BNC2: variants seen among roughly 807,000 people sequenced by gnomAD.
BNC2 encodes basonuclin zinc finger protein 2.
A neutral mutation model predicts 76.3 loss-of-function variants in BNC2; 20 were observed. The ratio of observed to expected loss-of-function variants is 0.26; its 90% CI spans 0.18 to 0.38. The LOEUF (loss-of-function observed/expected upper bound fraction) is 0.38. BNC2 is among the 10% of genes least tolerant of loss of function. BNC2 has a pLI of 1.00. For missense variants in BNC2, 1,382 were observed against 1,399.8 expected, an observed-to-expected ratio of 0.99 and a Z score of 0.20; for synonymous variants, 582 against 514.8, an observed-to-expected ratio of 1.13 and a Z score of -1.77.
intron 1 of BNC2, among the ~76,000 whole-genome samples, chr9:16,769,811 G>A (rs1023716106): frequency 2.0e-5 from 3 of 152,182 alleles, no homozygotes; most frequent in African/African-American, 7.2e-5. Context: ...CAAGATTCAT[G>A]TGGGTGGAGC....
At chr9:16,800,451 A>T in intron 1 of BNC2, among the ~76,000 whole-genome samples, 1 of 152,168 alleles carries the variant, frequency 6.6e-6, no homozygotes. Context: ...CTGTCTAATA[A>T]AGTTGAGGGG....
intron 3 of BNC2, among the ~76,000 whole-genome samples, chr9:16,672,528 G>A (rs1319096521): frequency 6.6e-6 from 1 of 152,070 alleles, no homozygotes; most frequent in Non-Finnish European, 1.5e-5. Context: ...ATCAACTATA[G>A]ACCAATCCAG....
intron 5 of BNC2, among the ~76,000 whole-genome samples, chr9:16,480,952 G>A (rs920468851): frequency 6.6e-6 from 1 of 152,220 alleles, no homozygotes; most frequent in Non-Finnish European, 1.5e-5. Context: ...GATCCACTGG[G>A]TGAAGCCAGC....
At chr9:16,631,171 C>T (rs1402044583) in intron 3 of BNC2, among the ~76,000 whole-genome samples, 2 of 152,196 alleles carry the variant, frequency 1.3e-5, no homozygotes, top group Non-Finnish European at 2.9e-5. Flanking sequence ...CCCCGATACC[C>T]AGTTTCCCAA....
At chr9:16,523,528 C>T (rs1452149666) in intron 5 of BNC2, among the ~76,000 whole-genome samples, 1 of 151,304 alleles carries the variant, frequency 6.6e-6, no homozygotes, top group Admixed American at 6.6e-5. Context: ...CCTAACGCTG[C>T]CTTGAAAAAC....
chr9:16,697,540 A>G (rs1213738202), intron 3 of BNC2, among the ~76,000 whole-genome samples: 1 of 151,962 alleles, frequency 6.6e-6, no homozygotes, highest in Non-Finnish European at 1.5e-5. Context: ...TGGCCAACAT[A>G]GCAAAACCCC....
At chr9:16,598,411 A>G (rs1319318250) in intron 3 of BNC2, among the ~76,000 whole-genome samples, 1 of 152,232 alleles carries the variant, frequency 6.6e-6, no homozygotes, top group South Asian at 2.1e-4. Context: ...TATAAAATTC[A>G]CATGAAATAT....
In BNC2 at chr9:16,667,127, C is replaced by CACACACT. The variant is rs1563889050; in HGVS notation, c.330+60669_330+60670insAGTGTGT. ...CACACACGCACACACGCACACACGC[C>CACACACT]GATGTTATAAAAGTACTGTCACTAG... On this transcript the variant is annotated intron_variant, in intron 3 of 6. Transcript: ENST00000380672. Among the ~76,000 whole-genome samples the CACACACT allele has an allele frequency of 1.3e-4, 20 of 151,248 alleles. 1 individual carries two copies. Among genetic ancestry groups the CACACACT allele is most frequent in the African/African-American group, 4.6e-4 (19 of 41,246 alleles).
chr9:16,700,343 T>C (rs927306918), intron 3 of BNC2, among the ~76,000 whole-genome samples: 2 of 151,990 alleles, frequency 1.3e-5, no homozygotes, highest in Admixed American at 1.3e-4. Context: ...GAGGTCTTGA[T>C]AGCAAGACCC....
In BNC2 at chr9:16,639,318, T is replaced by C. The variant is rs182844042; in HGVS notation, c.331-56233A>G. Reference sequence around the variant, plus strand: ...AAAAAATCTGGTCATTTTATTCTAATATTAAATTTTAGCATTTGCTTACTA... The same window carrying C: ...AAAAAATCTGGTCATTTTATTCTAACATTAAATTTTAGCATTTGCTTACTA... On this transcript the variant is annotated intron_variant, in intron 3 of 6. Transcript: ENST00000380672. 2.8e-4 allele frequency among the ~76,000 whole-genome samples: 42 copies of C among 152,332 alleles called. No individual in the cohort carries two copies. The East Asian group carries it at 7.9e-3, about 29-fold the overall frequency.
intron 1 of BNC2, among the ~76,000 whole-genome samples, chr9:16,743,046 T>C (rs1824895357): frequency 6.6e-6 from 1 of 152,200 alleles, no homozygotes; most frequent in Admixed American, 6.5e-5. Flanking sequence ...AGTTATTAAA[T>C]TACCAAGAAC....
chr9:16,776,674 A>G (rs535136508), intron 1 of BNC2, among the ~76,000 whole-genome samples: 25 of 152,378 alleles, frequency 1.6e-4, no homozygotes, highest in African/African-American at 5.8e-4. Context: ...TGTGAAAGAA[A>G]GCAAGCACTC....
chr9:16,796,660 AG>A (rs1428144624), intron 1 of BNC2, among the ~76,000 whole-genome samples: 1 of 151,184 alleles, frequency 6.6e-6, no homozygotes, highest in East Asian at 2.0e-4. Context: ...AGAAAAAAAA[AG>A]AAAGAAAAGA....
chr9:16,711,106 T>TC (rs555410363), intron 3 of BNC2, among the ~76,000 whole-genome samples: 1 of 151,470 alleles, frequency 6.6e-6, no homozygotes, highest in Non-Finnish European at 1.5e-5. Flanking sequence ...CCTCCTCCCC[T>TC]CCCCCCAGTC....
chr9:16,498,141 T>C (rs891577679), intron 5 of BNC2, among the ~76,000 whole-genome samples: 12 of 119,648 alleles, frequency 1.0e-4, no homozygotes, highest in Admixed American at 6.4e-4. Flanking sequence ...ATATATATTC[T>C]ATCATATATA....
chr9:16,752,871 T>G (rs1256311661), intron 1 of BNC2, among the ~76,000 whole-genome samples: 1 of 152,200 alleles, frequency 6.6e-6, no homozygotes, highest in Non-Finnish European at 1.5e-5. Context: ...AGAGAAAATC[T>G]GACACTTAGG....
At chr9:16,566,409 T>G (rs1311147376) in intron 4 of BNC2, among the ~76,000 whole-genome samples, 4 of 152,208 alleles carry the variant, frequency 2.6e-5, no homozygotes, top group African/African-American at 4.8e-5. Context: ...CTTCTTTTGT[T>G]CTAGACAGCA....
At chr9:16,869,585 A>G (rs1819625830) in intron 1 of BNC2, among the ~76,000 whole-genome samples, 1 of 152,216 alleles carries the variant, frequency 6.6e-6, no homozygotes, top group Admixed American at 6.5e-5. Context: ...TATATACGGA[A>G]TACACCATGT....
intron 1 of BNC2, among the ~76,000 whole-genome samples, chr9:16,780,745 C>T (rs1046149603): frequency 1.3e-5 from 2 of 151,824 alleles, no homozygotes; most frequent in African/African-American, 4.8e-5. Context: ...CCCAGAAGAG[C>T]AAAAAATCTG....
Sources: allele counts gnomAD v4.1 joint callset (sites outside exome capture counted in the v4.1 genomes callset), GRCh38; gene constraint gnomAD v4.1.1; transcripts MANE v1.5; gene names NCBI Gene and HGNC (gene_info 2026-07-23, HGNC 2026-07-21).